Variants in SYNPR observed in about 807,000 individuals in gnomAD.
SYNPR encodes synaptoporin.
A neutral mutation model predicts 32.9 loss-of-function variants in SYNPR; 23 were observed. The ratio of observed to expected loss-of-function variants is 0.70; its 90% CI spans 0.50 to 0.99. The LOEUF (loss-of-function observed/expected upper bound fraction) is 0.99. SYNPR is among the 50% of genes least tolerant of loss of function. The pLI, the probability that SYNPR is intolerant of heterozygous loss-of-function variation, is 0.00. For missense variants in SYNPR, 318 were observed against 349.3 expected, an observed-to-expected ratio of 0.91 and a Z score of 0.71; for synonymous variants, 146 against 135.9, an observed-to-expected ratio of 1.07 and a Z score of -0.52.
At chr3:63,251,652 G>A (rs920931786) in intron 1 of SYNPR, among the ~76,000 whole-genome samples, 1 of 152,146 alleles carries the variant, frequency 6.6e-6, no homozygotes, top group Non-Finnish European at 1.5e-5. Flanking sequence ...ATATCAAAGA[G>A]ATCTGCAGGT....
At chr3:63,413,805 CA>C (rs1366538813) in intron 2 of SYNPR, among the ~76,000 whole-genome samples, 18 of 152,190 alleles carry the variant, frequency 1.2e-4, no homozygotes, top group East Asian at 3.9e-4. Context: ...AACTGTTTTC[CA>C]TGCTGCCCAG....
chr3:63,244,034 A>G (rs1233927054), intron 1 of SYNPR, among the ~76,000 whole-genome samples: 1 of 152,126 alleles, frequency 6.6e-6, no homozygotes, highest in Non-Finnish European at 1.5e-5. Flanking sequence ...TTACAAAGGT[A>G]ATAGAATAGC....
chr3:63,306,481 C>G (rs147761639), intron 2 of SYNPR, among the ~76,000 whole-genome samples: 1 of 151,704 alleles, frequency 6.6e-6, no homozygotes, highest in African/African-American at 2.4e-5. Context: ...TGACAGATCC[C>G]TAGGAATTTT....
At chr3:63,225,844 A>G (rs2086124296), upstream of SYNPR, among the ~76,000 whole-genome samples, 1 of 152,184 alleles carries the variant, frequency 6.6e-6, no homozygotes, top group Non-Finnish European at 1.5e-5. Context: ...CAGCAAAGGA[A>G]ACAATTGACA....
At chr3:63,279,026 C>G (rs11919217) in intron 2 of SYNPR, among the ~76,000 whole-genome samples, 11,000 of 152,128 alleles carry the variant, frequency 0.072, 437 homozygotes, top group African/African-American at 0.099. Flanking sequence ...TGGAAAGAAA[C>G]CTCCCCCTTG....
intron 3 of SYNPR, among the ~76,000 whole-genome samples, chr3:63,490,757 T>A (rs13097598): frequency 0.18 from 26,863 of 151,972 alleles, 2,541 homozygotes; most frequent in East Asian, 0.31. Context: ...GGTTTTTTGT[T>A]TTTTGGGTTG....
At chr3:63,217,737 G>C in the SYNPR span, among the ~76,000 whole-genome samples, 1 of 152,148 alleles carries the variant, frequency 6.6e-6, no homozygotes, top group Non-Finnish European at 1.5e-5. Flanking sequence ...TTTAGTTGGG[G>C]ATTTATGAGG....
chr3:63,493,543 G>A (rs190966541), intron 3 of SYNPR, among the ~76,000 whole-genome samples: 28 of 152,002 alleles, frequency 1.8e-4, no homozygotes, highest in African/African-American at 5.1e-4. Flanking sequence ...AGCCAGGCAC[G>A]GTACACTGCT....
intron 2 of SYNPR, among the ~76,000 whole-genome samples, chr3:63,366,704 G>C (rs936150603): frequency 6.6e-6 from 1 of 152,186 alleles, no homozygotes; most frequent in Non-Finnish European, 1.5e-5. Context: ...GAGTAGTCCT[G>C]AGTAAGAGTC....
intron 4 of SYNPR, among the ~76,000 whole-genome samples, chr3:63,582,724 C>T (rs992619942): frequency 5.3e-5 from 8 of 152,022 alleles, no homozygotes; most frequent in African/African-American, 1.9e-4. Context: ...CTCAGCAAAT[C>T]CTTAATGGTT....
chr3:63,551,368 CT>C (rs1314949277), intron 3 of SYNPR, among the ~76,000 whole-genome samples: 2 of 152,186 alleles, frequency 1.3e-5, no homozygotes, highest in Non-Finnish European at 2.9e-5. Context: ...AATAATGCTG[CT>C]GTGAACACTC....
At position 63,399,807 on chromosome 3, in the gene SYNPR, C is replaced by T. The variant is rs934166784; in HGVS notation, c.85-81025C>T. Among the ~76,000 whole-genome samples the T allele has an allele frequency of 4.6e-5, 7 of 152,220 alleles. No individual in the cohort carries two copies. The East Asian group carries it at 1.3e-3, about 29-fold the overall frequency. Reference sequence around the variant, plus strand: ...CCTCCCACTGACGCATATTTTCTTGCATCTTGTCTTTGTATTGAACCACGT... The same window carrying T: ...CCTCCCACTGACGCATATTTTCTTGTATCTTGTCTTTGTATTGAACCACGT... On this transcript the variant is annotated intron_variant, in intron 2 of 5. Coordinates refer to ENST00000478300, the MANE Select transcript of SYNPR (RefSeq NM_001130003.2).
At position 63,278,498 on chromosome 3, in the gene SYNPR, G is replaced by A. The variant is rs1266469687; in HGVS notation, c.-36G>A. 56 of 1,543,706 alleles carry A rather than the reference G, an allele frequency of 3.6e-5. No individual in the cohort carries two copies. The highest frequency in any genetic ancestry group is 8.8e-6 in the Non-Finnish European group (10 of 1,142,808). The stretch of plus-strand genomic sequence containing the variant: ...GCCAAGCGAACTTCATTTTTAAAAA[G>A]AACTGGTGGATGAGAAGAGCGAGCG... On this transcript the variant is annotated 5_prime_UTR_variant, in exon 1 of 6. Coordinates refer to ENST00000478300, the MANE Select transcript of SYNPR (RefSeq NM_001130003.2).
At chr3:63,267,666 T>C (rs2086501643) in intron 3 of SYNPR, among the ~76,000 whole-genome samples, 1 of 152,208 alleles carries the variant, frequency 6.6e-6, no homozygotes, top group South Asian at 2.1e-4. Context: ...TCTTCTACTA[T>C]GTGCAGGCTT....
At chr3:63,287,746 A>C (rs142249830) in intron 2 of SYNPR, among the ~76,000 whole-genome samples, 1 of 152,332 alleles carries the variant, frequency 6.6e-6, no homozygotes, top group African/African-American at 2.4e-5. Context: ...AATGGTCTTC[A>C]TTGTGAAGTG....
intron 3 of SYNPR, among the ~76,000 whole-genome samples, chr3:63,502,888 A>G (rs906463342): frequency 2.6e-5 from 4 of 152,142 alleles, no homozygotes; most frequent in African/African-American, 9.7e-5. Flanking sequence ...AAGGACATCT[A>G]AGTTGCTTCC....
At chr3:63,242,592 T>G (rs2086256897) in intron 1 of SYNPR, among the ~76,000 whole-genome samples, 1 of 151,930 alleles carries the variant, frequency 6.6e-6, no homozygotes. Context: ...TCACAGACCC[T>G]CAGAAGAGAC....
intron 2 of SYNPR, among the ~76,000 whole-genome samples, chr3:63,356,038 C>T (rs1027205547): frequency 3.9e-5 from 6 of 152,212 alleles, no homozygotes; most frequent in African/African-American, 1.4e-4. Flanking sequence ...TCCTACTCAT[C>T]CTTGGCCTTA....
intron 2 of SYNPR, among the ~76,000 whole-genome samples, chr3:63,456,696 C>T (rs1354564890): frequency 6.6e-6 from 1 of 152,060 alleles, no homozygotes; most frequent in Non-Finnish European, 1.5e-5. Context: ...TGCTCTTAAC[C>T]ACTGCACAAA....
Sources: gnomAD v4.1 joint callset for allele counts (sites outside exome capture counted in the v4.1 genomes callset) on GRCh38, gnomAD v4.1.1 for gene constraint, MANE v1.5 for transcripts, NCBI Gene and HGNC (gene_info 2026-07-23, HGNC 2026-07-21) for gene names.